Variants in INPP5D observed in about 807,000 individuals in gnomAD.
INPP5D encodes phosphatidylinositol 3,4,5-trisphosphate 5-phosphatase 1.
Under a neutral mutation model 122.9 loss-of-function variants are expected in INPP5D, and 33 were observed. The observed-to-expected ratio is 0.27, with a 90% confidence interval of 0.20 to 0.36. The LOEUF (loss-of-function observed/expected upper bound fraction) is 0.36. INPP5D is among the 10% of genes least tolerant of loss of function. INPP5D has a pLI of 1.00. For synonymous variants in INPP5D, 584 were observed against 576.2 expected, an observed-to-expected ratio of 1.01 and a Z score of -0.19; for missense variants, 1,053 against 1,412.7, an observed-to-expected ratio of 0.75 and a Z score of 4.08.
chr2:233,111,799 G>A (rs1692636862), intron 2 of INPP5D, among the ~76,000 whole-genome samples: 1 of 152,128 alleles, frequency 6.6e-6, no homozygotes, highest in South Asian at 2.1e-4. Context: ...AGTGGCTCAC[G>A]CCTGTGATCC....
Position 233,128,247 on chromosome 2 carries a change from T to C in INPP5D, c.525-2261T>C, listed in dbSNP as rs1693220011. ...ATGGAGCAGTTTCCTCCCACAACCATCCCCCCACCACCCATCCGTGGAATA... is the reference window on the plus strand; with the variant it reads ...ATGGAGCAGTTTCCTCCCACAACCACCCCCCCACCACCCATCCGTGGAATA... On this transcript the variant is annotated intron_variant, in intron 4 of 26. Transcript: ENST00000445964. The surrounding 1 kb of genome is among the most constrained non-coding windows in gnomAD (Gnocchi z 4.5). Among the ~76,000 whole-genome samples the C allele has an allele frequency of 1.3e-5, 2 of 151,420 alleles. No individual in the cohort carries two copies. The highest frequency in any genetic ancestry group is 1.5e-5 in the Non-Finnish European group (1 of 67,888).
chr2:233,105,228 A>G lies in INPP5D; in HGVS notation c.199-16879A>G, dbSNP rs1559293868. On this transcript the variant is annotated intron_variant, in intron 2 of 26. Coordinates refer to ENST00000445964, the MANE Select transcript of INPP5D (RefSeq NM_001017915.3). The surrounding 1 kb of genome is among the most constrained non-coding windows in gnomAD (Gnocchi z 4.0). ...AGCAGGGGGGCGGTCAGTGGGTCCCAGGGAACTGGGTAGGACAGCAGCTGC... is the reference window on the plus strand; with the variant it reads ...AGCAGGGGGGCGGTCAGTGGGTCCCGGGGAACTGGGTAGGACAGCAGCTGC... Among the ~76,000 whole-genome samples, 2 of 152,146 alleles carry G rather than the reference A, an allele frequency of 1.3e-5. No individual in the cohort carries two copies. The highest frequency in any genetic ancestry group is 2.9e-5 in the Non-Finnish European group (2 of 68,014).
At chr2:233,187,493 T>G (rs1694953070) in intron 21 of INPP5D, among the ~76,000 whole-genome samples, 1 of 152,170 alleles carries the variant, frequency 6.6e-6, no homozygotes, top group African/African-American at 2.4e-5. Context: ...CTCCTGAGAC[T>G]GGGGTAGGAT....
chr2:233,191,447 G>A (rs1186128065), intron 22 of INPP5D, among the ~76,000 whole-genome samples: 2 of 152,200 alleles, frequency 1.3e-5, no homozygotes, highest in Admixed American at 6.5e-5. Context: ...GGGTCTGAGC[G>A]GCTGCATGAA....
In INPP5D at chr2:233,183,603, T is replaced by C. The variant is rs1055312407; in HGVS notation, c.2162-805T>C. 3.9e-5 allele frequency among the ~76,000 whole-genome samples: 6 copies of C among 152,072 alleles called. No homozygotes were observed. Among genetic ancestry groups the C allele is most frequent in the African/African-American group, 1.4e-4 (6 of 41,392 alleles). On this transcript the variant is annotated intron_variant, in intron 19 of 26. Transcript: ENST00000445964. This position sits in a 1 kb window ranked among gnomAD's most constrained non-coding sequence, Gnocchi z 4.6. ...TTGCCCTTGCCATCTCCTCCTCTATTCCGGGGTAGGGCATCCTCCATGTCA... is the reference window on the plus strand; with the variant it reads ...TTGCCCTTGCCATCTCCTCCTCTATCCCGGGGTAGGGCATCCTCCATGTCA...
chr2:233,176,646 G>A (rs2106308808), intron 17 of INPP5D, among the ~76,000 whole-genome samples: 1 of 138,812 alleles, frequency 7.2e-6, no homozygotes, highest in Non-Finnish European at 1.6e-5. Context: ...CTAGTCGGTG[G>A]GTGGATGGAT....
At chr2:233,068,285 CAAAAA>C (rs60089777) in intron 1 of INPP5D, among the ~76,000 whole-genome samples, 1 of 127,168 alleles carries the variant, frequency 7.9e-6, no homozygotes. Context: ...AACTCTGTCT[CAAAAA>C]AAAAAAAAAA....
chr2:233,184,967 C>T (rs940831112), intron 20 of INPP5D, among the ~76,000 whole-genome samples: 3 of 152,002 alleles, frequency 2.0e-5, no homozygotes, highest in Non-Finnish European at 4.4e-5. Context: ...GCGTCTTTCT[C>T]GGGGGGACTG....
At position 233,089,558 on chromosome 2, in the gene INPP5D, C is replaced by A. The variant is rs574005595; in HGVS notation, c.198+10160C>A. The stretch of plus-strand genomic sequence containing the variant: ...GGAGGTTCCCCAGCTATGTATGGAA[C>A]CAGCTAAGGGCTTTGCAGTATTTGA... On this transcript the variant is annotated intron_variant, in intron 2 of 26. Transcript: ENST00000445964. Among the ~76,000 whole-genome samples, 8 of 152,278 alleles carry A rather than the reference C, an allele frequency of 5.3e-5. No individual in the cohort carries two copies. In the South Asian group the frequency reaches 1.7e-3, roughly 32 times the overall value.
intron 2 of INPP5D, among the ~76,000 whole-genome samples, chr2:233,117,039 C>T (rs962861363): frequency 2.0e-5 from 3 of 152,214 alleles, no homozygotes; most frequent in Middle Eastern, 3.2e-3. Flanking sequence ...AGAGTTGCCA[C>T]GGCAGAAATC....
At chr2:233,064,594 T>C (rs908412554) in intron 1 of INPP5D, among the ~76,000 whole-genome samples, 1 of 152,198 alleles carries the variant, frequency 6.6e-6, no homozygotes, top group Non-Finnish European at 1.5e-5. Context: ...ACTTTACAGA[T>C]GGGGAAACCG....
chr2:233,091,147 C>T (rs994882035), intron 2 of INPP5D, among the ~76,000 whole-genome samples: 2 of 152,176 alleles, frequency 1.3e-5, no homozygotes, highest in African/African-American at 4.8e-5. Flanking sequence ...GCTTGGGACT[C>T]CGTCCCTCAG....
intron 1 of INPP5D, among the ~76,000 whole-genome samples, chr2:233,063,816 G>A (rs1169299451): frequency 6.6e-6 from 1 of 152,242 alleles, no homozygotes; most frequent in Admixed American, 6.5e-5. Flanking sequence ...TAGAGCCTAT[G>A]TTGTCCCCAC....
At chr2:233,169,862 T>A in intron 14 of INPP5D, 164 bp from the exon 15 acceptor site, 2 of 1,352,796 alleles carry the variant, frequency 1.5e-6, no homozygotes, top group South Asian at 2.7e-5. Context: ...TGTGCCATAT[T>A]TGCACACTAA....
intron 2 of INPP5D, among the ~76,000 whole-genome samples, chr2:233,099,933 A>T (rs1692256362): frequency 6.6e-6 from 1 of 152,022 alleles, no homozygotes; most frequent in Non-Finnish European, 1.5e-5. Context: ...GGCACATCTC[A>T]TGTGGCAGAC....
rs1173362869 is a variant in INPP5D at position 233,131,353 on chromosome 2, TTCCAGAGCA to T, written c.665+708_665+716del. On this transcript the variant is annotated intron_variant, in intron 5 of 26. Coordinates refer to ENST00000445964, the MANE Select transcript of INPP5D (RefSeq NM_001017915.3). The stretch of plus-strand genomic sequence containing the variant: ...TGGAAGAGAAAAAAAACAAAAAAAA[TTCCAGAGCA>T]TCTGAACAAAGCCACAGGGAGCCAA... Among the ~76,000 whole-genome samples, 14 of 151,350 alleles carry T rather than the reference TTCCAGAGCA, an allele frequency of 9.3e-5. 1 individual carries two copies. In the East Asian group the frequency reaches 2.7e-3, roughly 29 times the overall value.
intron 9 of INPP5D, among the ~76,000 whole-genome samples, chr2:233,149,489 C>T (rs1040108354): frequency 6.6e-6 from 1 of 152,114 alleles, no homozygotes; most frequent in African/African-American, 2.4e-5. Flanking sequence ...TCCTCTCTGT[C>T]CCTGTGTCCT....
chr2:233,096,921 C>T (rs927088111), intron 2 of INPP5D, among the ~76,000 whole-genome samples: 1 of 152,044 alleles, frequency 6.6e-6, no homozygotes, highest in African/African-American at 2.4e-5. Flanking sequence ...TTTTCATTTA[C>T]GGATTCTGAG....
chr2:233,193,672 G>A, intron 22 of INPP5D, 140 bp from the exon 23 acceptor site: 1 of 1,383,060 alleles, frequency 7.2e-7, no homozygotes, highest in Non-Finnish European at 9.9e-7. Flanking sequence ...CCAAAGTACT[G>A]TGGTGTTGTT....
Sources: allele counts gnomAD v4.1 joint callset (sites outside exome capture counted in the v4.1 genomes callset), GRCh38; gene constraint gnomAD v4.1.1; non-coding constraint Gnocchi (gnomAD v3.1); transcripts MANE v1.5; gene names NCBI Gene and HGNC (gene_info 2026-07-23, HGNC 2026-07-21).